The following CCDC175 variants were observed in gnomAD, a reference collection of about 807,000 sequenced individuals.
CCDC175 encodes coiled-coil domain-containing protein 175.
CCDC175 carries 100 observed loss-of-function variants against 114.6 expected under a neutral mutation model. The observed-to-expected ratio is 0.87, with a 90% CI of 0.74 to 1.03. The LOEUF (loss-of-function observed/expected upper bound fraction) is 1.03. CCDC175 is among the 50% of genes least tolerant of loss of function. CCDC175 has a pLI of 0.00. For synonymous variants in CCDC175, 306 were observed against 308.7 expected, an observed-to-expected ratio of 0.99 and a Z score of 0.09; for missense variants, 880 against 917.8, an observed-to-expected ratio of 0.96 and a Z score of 0.53.
At chr14:59,537,763 C>T (rs551173190) in intron 13 of CCDC175, among the ~76,000 whole-genome samples, 2 of 152,310 alleles carry the variant, frequency 1.3e-5, no homozygotes, top group South Asian at 4.1e-4. Flanking sequence ...TCCTACACAA[C>T]TCCACCTGTC....
At chr14:59,554,445 C>A (rs576927390) in intron 7 of CCDC175, among the ~76,000 whole-genome samples, 2 of 152,320 alleles carry the variant, frequency 1.3e-5, no homozygotes, top group Non-Finnish European at 2.9e-5. Context: ...ATATCAGAAT[C>A]TCTGGGACAC....
At chr14:59,562,278 A>G (rs1246901848) in intron 6 of CCDC175, among the ~76,000 whole-genome samples, 1 of 147,818 alleles carries the variant, frequency 6.8e-6, no homozygotes, top group Non-Finnish European at 1.5e-5. Context: ...TGCCAACAAC[A>G]TATCAATGTT....
chr14:59,558,610 C>G (rs536999744), intron 7 of CCDC175, among the ~76,000 whole-genome samples: 2 of 152,068 alleles, frequency 1.3e-5, no homozygotes, highest in South Asian at 4.1e-4. Flanking sequence ...AATGGCGGTG[C>G]CACATTAACT....
At chr14:59,514,345 G>C (rs546869394) in intron 17 of CCDC175, among the ~76,000 whole-genome samples, 2 of 152,312 alleles carry the variant, frequency 1.3e-5, no homozygotes, top group African/African-American at 4.8e-5. Context: ...AGAGAAGAAG[G>C]CTTCAGACGA....
At chr14:59,521,001 G>A (rs1053523837) in intron 17 of CCDC175, among the ~76,000 whole-genome samples, 16 of 152,172 alleles carry the variant, frequency 1.1e-4, no homozygotes, top group Admixed American at 1.0e-3. Context: ...GGATTTAAAT[G>A]AAGTAAAAAC....
chr14:59,525,403 C>T lies in CCDC175; in HGVS notation c.1874G>A (p.Arg625Gln), dbSNP rs199964220. 43 of 1,513,418 alleles carry T rather than the reference C, an allele frequency of 2.8e-5. No individual in the cohort carries two copies. Among genetic ancestry groups the T allele is most frequent in the African/African-American group, 2.8e-5 (2 of 70,966 alleles). 93.7% of individuals were successfully genotyped at this position (1,513,418 alleles called of 1,614,324 possible). Residue 625 changes from arginine (R) to glutamine (Q), a missense_variant, in exon 16 of 20, where the codon CGA becomes CAA. Arg to Gln is a conservative substitution (Grantham distance 43). Transcript: ENST00000537690. Reference sequence around the variant, plus strand: ...TTTGTTTTTTTTGCTTTCTTGATCTCGTAATTGTTGTAATTCTTGTTTTAC... The same window carrying T: ...TTTGTTTTTTTTGCTTTCTTGATCTTGTAATTGTTGTAATTCTTGTTTTAC... ...EDVKQELQQL[R>Q]DQESKKNKDH...
At position 59,557,740 on chromosome 14, in the gene CCDC175, TAAAC is replaced by T. The variant is rs913598485; in HGVS notation, c.953+3375_953+3378del. Among the ~76,000 whole-genome samples the T allele has an allele frequency of 2.4e-4, 36 of 152,196 alleles. 1 individual carries two copies. Among genetic ancestry groups the T allele is most frequent in the African/African-American group, 8.2e-4 (34 of 41,554 alleles). On this transcript the variant is annotated intron_variant, in intron 7 of 19. Transcript: ENST00000537690. ...ATATTTATGTATATATTTATCAAAA[TAAAC>T]AAAAATGTATACTCCTTTGAACTGA...
chr14:59,560,203 G>A (rs1172223095), intron 7 of CCDC175, among the ~76,000 whole-genome samples: 1 of 152,014 alleles, frequency 6.6e-6, no homozygotes, highest in Non-Finnish European at 1.5e-5. Flanking sequence ...TACAAATCCT[G>A]TTTTGAAAGA....
intron 19 of CCDC175, chr14:59,510,386 A>G (rs138116947): frequency 6.4e-6 from 2 of 313,666 alleles, no homozygotes; most frequent in Admixed American, 9.1e-5. Flanking sequence ...CTCTGGAAAA[A>G]TGTTTAAAAT....
intron 13 of CCDC175, among the ~76,000 whole-genome samples, chr14:59,537,410 T>C: frequency 6.6e-6 from 1 of 152,170 alleles, no homozygotes; most frequent in East Asian, 1.9e-4. Context: ...AGCCCCTCTT[T>C]GGTGTGGCCA....
chr14:59,563,992 A>G (rs1483602742), intron 5 of CCDC175, 133 bp from the exon 6 acceptor site: 2 of 534,552 alleles, frequency 3.7e-6, no homozygotes, highest in African/African-American at 3.9e-5. Flanking sequence ...AGTAATAAGT[A>G]AAAAATAAAC....
rs112437828 is a variant in CCDC175, at chr14:59,539,435, C to G, written c.1356-595G>C. On this transcript the variant is annotated intron_variant, in intron 11 of 19. Transcript: ENST00000537690. ...TCTACTAAAAATACAAACAAATTAG[C>G]CAGGTGTGGTGGCACAAGCCTGTAA... is the stretch of plus-strand genomic sequence containing the variant. 3.9e-5 allele frequency among the ~76,000 whole-genome samples: 6 copies of G among 152,136 alleles called. 1 individual carries two copies. The highest frequency in any genetic ancestry group is 1.4e-4 in the African/African-American group (6 of 41,532).
chr14:59,575,835 A>T (rs1488952989), intron 1 of CCDC175, among the ~76,000 whole-genome samples: 1 of 146,226 alleles, frequency 6.8e-6, no homozygotes, highest in Non-Finnish European at 1.5e-5. Flanking sequence ...ACATTTACCC[A>T]AGCATATTTG....
At chr14:59,522,348 T>C (rs1379144464) in intron 16 of CCDC175, among the ~76,000 whole-genome samples, 1 of 152,220 alleles carries the variant, frequency 6.6e-6, no homozygotes, top group African/African-American at 2.4e-5. Flanking sequence ...GAGGTAGACA[T>C]GGGACTGTTA....
chr14:59,546,969 G>T (rs151102839), intron 8 of CCDC175, among the ~76,000 whole-genome samples: 2 of 152,272 alleles, frequency 1.3e-5, no homozygotes, highest in East Asian at 3.9e-4. Context: ...GCCAGGTGTG[G>T]TGGCTCGTGC....
At position 59,505,179 on chromosome 14, in the gene CCDC175, G is replaced by A. The variant is rs1440596029; in HGVS notation, c.*60C>T. 1.2e-6 allele frequency: 1 copy of A among 833,086 alleles called. No homozygotes were observed. The allele number at this position is 833,086 out of a possible 1,614,324, so 51.6% of individuals were successfully genotyped here. A position where few individuals can be genotyped will look rare whatever the true frequency, so the allele number is the denominator to read the frequency against. On this transcript the variant is annotated 3_prime_UTR_variant, in exon 20 of 20. Coordinates refer to ENST00000537690, the MANE Select transcript of CCDC175 (RefSeq NM_001164399.2). ...TAACAGCTGCAAAATATGAAAGTAA[G>A]TGCACTCACTTTTCCTGTAGTAGTC...
chr14:59,576,489 G>T (rs371544291), intron 1 of CCDC175, 130 bp downstream of exon 1: 16 of 855,298 alleles, frequency 1.9e-5, no homozygotes, highest in East Asian at 1.7e-4. Flanking sequence ...AAGGAGCGGG[G>T]AGAAGGCTCT....
intron 17 of CCDC175, among the ~76,000 whole-genome samples, chr14:59,514,820 A>G (rs1281238979): frequency 6.6e-6 from 1 of 152,198 alleles, no homozygotes; most frequent in African/African-American, 2.4e-5. Context: ...AGAGAATGCC[A>G]CAAAGATACT....
In CCDC175 at chr14:59,531,887, T is replaced by A. The variant is rs533148415; in HGVS notation, c.1647A>T (p.Gln549His). The A allele has an allele frequency of 1.3e-5, 16 of 1,236,604 alleles. No individual in the cohort carries two copies. The Admixed American group carries it at 2.9e-4, about 23-fold the overall frequency. The allele number at this position is 1,236,604 out of a possible 1,614,324, so 76.6% of individuals were successfully genotyped here. A position where few individuals can be genotyped will look rare whatever the true frequency, so the allele number is the denominator to read the frequency against. Reference protein sequence around the residue: ...KYEEIFVKETQINKEKEEELV... With the variant: ...KYEEIFVKETHINKEKEEELV... ...GTTCTTCTTCCTTTTCTTTGTTAAT[T>A]TGTGTTTCCTTAACAAATATTTCCT... is the stretch of plus-strand genomic sequence containing the variant. The change falls in exon 14 of 20, where the codon CAA (glutamine) becomes CAT (histidine). Residue 549 changes from glutamine to histidine, a missense_variant. By Grantham distance (24) the Gln-to-His change is conservative. Transcript: ENST00000537690.
Sources: gnomAD v4.1 joint callset for allele counts (sites outside exome capture counted in the v4.1 genomes callset) on GRCh38, gnomAD v4.1.1 for gene constraint, MANE v1.5 for transcripts, NCBI Gene and HGNC (gene_info 2026-07-23, HGNC 2026-07-21) for gene names.